The following TTC6 variants were observed in gnomAD, a reference collection of about 807,000 sequenced individuals.
TTC6 encodes the protein tetratricopeptide repeat protein 6.
TTC6 carries 172 observed loss-of-function variants against 210.4 expected under a neutral mutation model. The observed-to-expected ratio is 0.82, with a 90% CI of 0.72 to 0.93. TTC6 has a LOEUF of 0.93. TTC6 is among the 40% of genes least tolerant of loss of function. The pLI, the probability that TTC6 is intolerant of heterozygous loss-of-function variation, is 0.00. For synonymous variants in TTC6, 804 were observed against 819.6 expected (o/e 0.98, Z 0.32); for missense variants, 2,414 against 2,318.1 (o/e 1.04, Z -0.85).
At chr14:37,786,522 G>C (rs1373440844) in intron 14 of TTC6, among the ~76,000 whole-genome samples, 2 of 152,204 alleles carry the variant, frequency 1.3e-5, no homozygotes, top group Non-Finnish European at 2.9e-5. Context: ...GGTGCCATCT[G>C]TCATGGCTTC....
At chr14:37,611,991 G>GTT (rs11385549) in intron 2 of TTC6, among the ~76,000 whole-genome samples, 1,987 of 148,876 alleles carry the variant, frequency 0.013, 35 homozygotes, top group African/African-American at 0.045. Flanking sequence ...GAGATCAATA[G>GTT]TTTTTTTTTT....
rs1052875723 is a variant in TTC6, at chr14:37,702,667, G to C, written c.1571+1141G>C. On this transcript the variant is annotated intron_variant, in intron 5 of 30. Transcript: ENST00000553443. ...TAATTTAACTATCCTAGGTATATGAGAATACTATTCTAAAAGATCACTTTT... is the reference window on the plus strand; with the variant it reads ...TAATTTAACTATCCTAGGTATATGACAATACTATTCTAAAAGATCACTTTT... Among the ~76,000 whole-genome samples the C allele has an allele frequency of 5.3e-5, 8 of 152,202 alleles. No individual in the cohort carries two copies. The South Asian group carries it at 1.5e-3, about 28-fold the overall frequency.
intron 1 of TTC6, among the ~76,000 whole-genome samples, chr14:37,655,114 A>T (rs2095719591): frequency 6.6e-6 from 1 of 152,238 alleles, no homozygotes; most frequent in Non-Finnish European, 1.5e-5. Context: ...CAGCTGTCAA[A>T]CTACTTGCTT....
rs1268934460 is a variant in TTC6 at position 37,696,829 on chromosome 14, A to G, written c.1370A>G (p.His457Arg). Residue 457 changes from histidine to arginine, a missense_variant, in exon 4 of 31, where the codon CAT becomes CGT. Physicochemically the swap from His to Arg is conservative, Grantham distance 29 (BLOSUM62 0). Transcript: ENST00000553443. ...AAACCTCTTTGTGATAAAAAACTAC[A>G]TAAAAAGTAATTTTCTTAAATTTAT... 3.8e-6 allele frequency: 5 copies of G among 1,314,064 alleles called. No homozygotes were observed. The African/African-American group carries it at 7.6e-5, about 20-fold the overall frequency. The allele number at this position is 1,314,064 out of a possible 1,614,324, so 81.4% of individuals were successfully genotyped here.
At chr14:37,826,241 T>C (rs746600797) in exon 28 of TTC6, 29 of 1,611,320 alleles carry the variant, frequency 1.8e-5, no homozygotes, top group Non-Finnish European at 2.4e-5. Context: ...ACCATTGCCA[T>C]AGATACTGAT....
At chr14:37,622,981 A>T (rs2095654370) in exon 1 of TTC6, 1 of 1,488,306 alleles carries the variant, frequency 6.7e-7, no homozygotes, top group Non-Finnish European at 8.9e-7. Flanking sequence ...GTCCTTGGCC[A>T]GAACTACGAC....
At chr14:37,812,227 C>T in intron 24 of TTC6, 87 bp from the exon 27 acceptor site, 1 of 1,354,196 alleles carries the variant, frequency 7.4e-7, no homozygotes, top group Non-Finnish European at 1.0e-6. Context: ...ACCATTGGGT[C>T]CTAGTTTGGA....
chr14:37,807,722 T>A (rs1566966831), intron 23 of TTC6, among the ~76,000 whole-genome samples: 1 of 152,172 alleles, frequency 6.6e-6, no homozygotes, highest in Non-Finnish European at 1.5e-5. Flanking sequence ...GTAGACAGTT[T>A]GGAAAAATAT....
At chr14:37,716,377 C>T (rs147081572) in intron 6 of TTC6, among the ~76,000 whole-genome samples, 2,439 of 152,054 alleles carry the variant, frequency 0.016, 24 homozygotes, top group Non-Finnish European at 0.022. Flanking sequence ...TTGAATTTAG[C>T]AATTAAATGA....
intron 1 of TTC6, among the ~76,000 whole-genome samples, chr14:37,603,503 G>T (rs1365541348): frequency 1.3e-5 from 2 of 152,232 alleles, no homozygotes; most frequent in African/African-American, 4.8e-5. Flanking sequence ...AATTGGCACC[G>T]CAAAAATTTC....
chr14:37,745,014 ACC>A (rs1024115198), intron 10 of TTC6, among the ~76,000 whole-genome samples: 1 of 151,932 alleles, frequency 6.6e-6, no homozygotes. Flanking sequence ...ACACACACAC[ACC>A]CACACACACA....
intron 1 of TTC6, among the ~76,000 whole-genome samples, chr14:37,630,502 A>T (rs2095667472): frequency 6.6e-6 from 1 of 152,128 alleles, no homozygotes; most frequent in African/African-American, 2.4e-5. Context: ...ACTTCCAATT[A>T]TGTGGTCAAT....
intron 17 of TTC6, among the ~76,000 whole-genome samples, chr14:37,793,985 T>A (rs751970397): frequency 3.9e-5 from 6 of 152,190 alleles, no homozygotes; most frequent in Non-Finnish European, 8.8e-5. Flanking sequence ...TGTATGTATG[T>A]ACAAGAATAT....
chr14:37,798,671 T>C (rs2096098297), intron 20 of TTC6, among the ~76,000 whole-genome samples: 1 of 152,102 alleles, frequency 6.6e-6, no homozygotes, highest in East Asian at 1.9e-4. Flanking sequence ...ACACCCTTAT[T>C]TTCTTCCAAA....
chr14:37,596,565 A>T (rs1194589023), intron 1 of TTC6, among the ~76,000 whole-genome samples: 1 of 152,176 alleles, frequency 6.6e-6, no homozygotes, highest in African/African-American at 2.4e-5. Flanking sequence ...ACCGGGTGAT[A>T]GGCAATTAGT....
intron 7 of TTC6, among the ~76,000 whole-genome samples, chr14:37,730,983 A>C (rs2095884532): frequency 6.6e-6 from 1 of 152,200 alleles, no homozygotes; most frequent in Non-Finnish European, 1.5e-5. Flanking sequence ...CATTAATTTC[A>C]TGGAGCTTAC....
At chr14:37,755,136 G>A (rs1195489818) in intron 14 of TTC6, among the ~76,000 whole-genome samples, 1 of 152,034 alleles carries the variant, frequency 6.6e-6, no homozygotes, top group Non-Finnish European at 1.5e-5. Context: ...GTTTTGATTT[G>A]CATTGATGAT....
At chr14:37,717,754 CAAAA>C (rs1291814754) in intron 6 of TTC6, among the ~76,000 whole-genome samples, 13 of 150,644 alleles carry the variant, frequency 8.6e-5, no homozygotes. Context: ...GTAAAAAAAA[CAAAA>C]AAGAAAGAAA....
intron 1 of TTC6, among the ~76,000 whole-genome samples, chr14:37,642,373 G>C (rs2095693568): frequency 6.6e-6 from 1 of 152,152 alleles, no homozygotes; most frequent in African/African-American, 2.4e-5. Context: ...GCAGGTGGTG[G>C]TGACATTTGC....
Sources: allele counts gnomAD v4.1 joint callset (sites outside exome capture counted in the v4.1 genomes callset), GRCh38; gene constraint gnomAD v4.1.1; transcripts MANE v1.5; gene names NCBI Gene and HGNC (gene_info 2026-07-23, HGNC 2026-07-21).